ZZZ3: variants seen among roughly 807,000 people sequenced by gnomAD.
ZZZ3 encodes the protein zinc finger ZZ-type containing 3, also known as ZZ-type zinc finger-containing protein 3.
ZZZ3 carries 22 observed loss-of-function variants against 95.2 expected under a neutral mutation model. The ratio of observed to expected loss-of-function variants is 0.23; its 90% CI spans 0.17 to 0.33. ZZZ3 has a LOEUF of 0.33. Ranked by LOEUF, ZZZ3 falls within the 10% of genes least tolerant of loss-of-function variation. The pLI is 1.00. For missense variants in ZZZ3, 885 were observed against 1,066.5 expected, an observed-to-expected ratio of 0.83 and a Z score of 2.37; for synonymous variants, 335 against 358.9, an observed-to-expected ratio of 0.93 and a Z score of 0.75.
chr1:77,629,421 C>T (rs1412154271), intron 5 of ZZZ3, among the ~76,000 whole-genome samples: 1 of 152,178 alleles, frequency 6.6e-6, no homozygotes, highest in Non-Finnish European at 1.5e-5. Flanking sequence ...AGTTCAAGAT[C>T]AGCCTGGACA....
intron 1 of ZZZ3, among the ~76,000 whole-genome samples, chr1:77,662,421 G>C (rs1670882298): frequency 6.6e-6 from 1 of 152,044 alleles, no homozygotes; most frequent in South Asian, 2.1e-4. Flanking sequence ...TGGGATTACA[G>C]GCATAAACCA....
At chr1:77,625,855 C>T (rs370775367) in intron 5 of ZZZ3, among the ~76,000 whole-genome samples, 1 of 151,000 alleles carries the variant, frequency 6.6e-6, no homozygotes, top group Non-Finnish European at 1.5e-5. Flanking sequence ...AAAAACTAGC[C>T]GGGTGTGGTG....
chr1:77,654,640 A>T (rs1557766674), intron 1 of ZZZ3, among the ~76,000 whole-genome samples: 2 of 152,334 alleles, frequency 1.3e-5, no homozygotes, highest in East Asian at 1.9e-4. Flanking sequence ...AAGAAAAAAT[A>T]GGAAATAAAC....
At chr1:77,674,757 G>A (rs1235459382) in intron 1 of ZZZ3, among the ~76,000 whole-genome samples, 1 of 151,920 alleles carries the variant, frequency 6.6e-6, no homozygotes, top group Non-Finnish European at 1.5e-5. Context: ...TTCAAAACCA[G>A]TCTCCCCAAC....
intron 5 of ZZZ3, among the ~76,000 whole-genome samples, chr1:77,596,076 T>C (rs1664187475): frequency 6.6e-6 from 1 of 152,038 alleles, no homozygotes; most frequent in Non-Finnish European, 1.5e-5. Flanking sequence ...TGCTACTTCA[T>C]AAGCTAGTGA....
In ZZZ3 at chr1:77,608,333, C is replaced by T. The variant is rs538476083; in HGVS notation, c.1505+23517G>A. Among the ~76,000 whole-genome samples, 3 of 152,184 alleles carry T rather than the reference C, an allele frequency of 2.0e-5. No individual in the cohort carries two copies. In the South Asian group the frequency reaches 6.2e-4, roughly 32 times the overall value. ...GACTTTTCAGTGGAAAGCTCACAGG[C>T]CCAAAGAGAGTGGCATGACAAACTT... On this transcript the variant is annotated intron_variant, in intron 5 of 14. Transcript: ENST00000370801.
chr1:77,661,824 T>C (rs1170787666), intron 1 of ZZZ3, among the ~76,000 whole-genome samples: 1 of 152,116 alleles, frequency 6.6e-6, no homozygotes, highest in Non-Finnish European at 1.5e-5. Context: ...CAAGGAATTT[T>C]TTTTGTTTTC....
intron 9 of ZZZ3, chr1:77,580,511 C>T (rs1470670989): frequency 6.6e-6 from 1 of 152,292 alleles, no homozygotes; most frequent in African/African-American, 2.4e-5. Flanking sequence ...CAAAAGTTTA[C>T]ACATTCTCAA....
chr1:77,574,845 A>G (rs555767017), intron 12 of ZZZ3, among the ~76,000 whole-genome samples: 164 of 152,346 alleles, frequency 1.1e-3, no homozygotes, highest in African/African-American at 3.7e-3. Context: ...TTTAAACCTC[A>G]TTGGTCATCT....
chr1:77,674,216 T>C (rs35690732), intron 1 of ZZZ3, among the ~76,000 whole-genome samples: 9 of 152,024 alleles, frequency 5.9e-5, no homozygotes, highest in Non-Finnish European at 1.2e-4. Flanking sequence ...ATGAGAAAAA[T>C]GTCTAAGTGT....
chr1:77,678,774 G>A (rs1672492800), intron 1 of ZZZ3, among the ~76,000 whole-genome samples: 1 of 152,106 alleles, frequency 6.6e-6, no homozygotes, highest in Non-Finnish European at 1.5e-5. Context: ...TCCTAATAAA[G>A]GCTAATGGCT....
At chr1:77,593,048 A>G (rs1336997678) in intron 5 of ZZZ3, among the ~76,000 whole-genome samples, 1 of 152,182 alleles carries the variant, frequency 6.6e-6, no homozygotes, top group Middle Eastern at 3.2e-3. Context: ...ACAGCTTAAA[A>G]CAGTAGAAGA....
chr1:77,566,755 T>C (rs1181809301), intron 13 of ZZZ3, among the ~76,000 whole-genome samples: 2 of 152,222 alleles, frequency 1.3e-5, no homozygotes, highest in African/African-American at 4.8e-5. Context: ...AGACTCCTAA[T>C]AACCAATGCC....
At chr1:77,584,110 A>G (rs1303782450) in intron 6 of ZZZ3, among the ~76,000 whole-genome samples, 1 of 152,212 alleles carries the variant, frequency 6.6e-6, no homozygotes, top group Non-Finnish European at 1.5e-5. Flanking sequence ...AAATGCACAA[A>G]GGTACTAGTG....
intron 11 of ZZZ3, among the ~76,000 whole-genome samples, chr1:77,577,765 T>C (rs2100532906): frequency 6.6e-6 from 1 of 152,260 alleles, no homozygotes. Flanking sequence ...GGACTGCAGG[T>C]GCGTGCCACC....
intron 5 of ZZZ3, among the ~76,000 whole-genome samples, chr1:77,627,102 G>A (rs1667406078): frequency 6.6e-6 from 1 of 152,094 alleles, no homozygotes; most frequent in Non-Finnish European, 1.5e-5. Context: ...AAACCCAAAA[G>A]CCCATGAAGT....
chr1:77,665,210 A>G (rs1214011988), intron 1 of ZZZ3, among the ~76,000 whole-genome samples: 1 of 152,230 alleles, frequency 6.6e-6, no homozygotes, highest in Non-Finnish European at 1.5e-5. Context: ...AACCAACATC[A>G]ACTTAGAGTT....
chr1:77,567,388 A>T (rs1257386055), intron 13 of ZZZ3, among the ~76,000 whole-genome samples: 1 of 152,220 alleles, frequency 6.6e-6, no homozygotes, highest in Non-Finnish European at 1.5e-5. Context: ...GATGAGGGGA[A>T]AAGCTGGTCA....
At chr1:77,584,697 A>T (rs764032808) in intron 5 of ZZZ3, 42 bp from the exon 6 acceptor site, 8 of 1,493,938 alleles carry the variant, frequency 5.4e-6, no homozygotes, top group Non-Finnish European at 7.2e-6. Flanking sequence ...ATTTTCTAGT[A>T]ACAACAATAA....
Sources: gnomAD v4.1 joint callset for allele counts (sites outside exome capture counted in the v4.1 genomes callset) on GRCh38, gnomAD v4.1.1 for gene constraint, MANE v1.5 for transcripts, NCBI Gene and HGNC (gene_info 2026-07-23, HGNC 2026-07-21) for gene names.